EXOG: variants seen among roughly 807,000 people sequenced by gnomAD.
The protein encoded by EXOG is exo/endonuclease G.
In EXOG, 27 loss-of-function variants were observed where a neutral mutation model predicts 25.8. That is an observed-to-expected ratio of 1.05 (90% confidence interval 0.77 to 1.45). The LOEUF is 1.45. Ranked by LOEUF, EXOG falls within the 40% of genes most tolerant of loss-of-function variation. EXOG has a pLI of 0.00. For synonymous variants in EXOG, 133 were observed against 167.0 expected (o/e 0.80, Z 1.57); for missense variants, 458 against 450.5 (o/e 1.02, Z -0.15).
intron 5 of EXOG, among the ~76,000 whole-genome samples, chr3:38,520,883 C>T (rs1054221313): frequency 2.0e-5 from 3 of 152,174 alleles, no homozygotes; most frequent in African/African-American, 7.2e-5. Context: ...CCAGGTTTGA[C>T]CAGGTCTCTG....
chr3:38,496,856 T>G (rs1323467450), intron 1 of EXOG: 6 of 1,303,066 alleles, frequency 4.6e-6, no homozygotes, highest in Admixed American at 2.2e-5. Flanking sequence ...GTTAGCTCCA[T>G]AAGACTTGAG....
At position 38,498,006 on chromosome 3, in the gene EXOG, G is replaced by A. The variant is rs2059944313; in HGVS notation, c.313+228G>A. 4 of 473,344 alleles carry A rather than the reference G, an allele frequency of 8.5e-6. No individual in the cohort carries two copies. The South Asian group carries it at 1.1e-4, about 13-fold the overall frequency. The allele number at this position is 473,344 out of a possible 1,614,324, so 29.3% of individuals were successfully genotyped here. A position where few individuals can be genotyped will look rare whatever the true frequency, so the allele number is the denominator to read the frequency against. Reference sequence around the variant, plus strand: ...ATACCCATATCTTGACACACTAGTTGGGAGGCTCTGTCATAAATATTACAG... The same window carrying A: ...ATACCCATATCTTGACACACTAGTTAGGAGGCTCTGTCATAAATATTACAG... On this transcript the variant is annotated intron_variant, in intron 2 of 5. Coordinates refer to ENST00000287675, the MANE Select transcript of EXOG (RefSeq NM_005107.4).
intron 1 of EXOG, 184 bp from the exon 2 acceptor site, chr3:38,497,445 T>G: frequency 7.4e-7 from 1 of 1,358,724 alleles, no homozygotes. Flanking sequence ...CTACTGTCTG[T>G]TTTCTTCATC....
intron 5 of EXOG, among the ~76,000 whole-genome samples, chr3:38,509,092 A>G (rs2060292069): frequency 6.6e-6 from 1 of 152,220 alleles, no homozygotes; most frequent in African/African-American, 2.4e-5. Context: ...CTTAGGAGAA[A>G]AAAAGGCTTA....
chr3:38,517,555 T>G, intron 5 of EXOG, among the ~76,000 whole-genome samples: 1 of 152,252 alleles, frequency 6.6e-6, no homozygotes, highest in East Asian at 1.9e-4. Context: ...CTCTGCTGTT[T>G]GGTTTGTCAG....
Position 38,524,654 on chromosome 3 carries a change from CCTAAATTTATGA to C in EXOG, c.*298_*309del. 1 of 1,068,658 alleles carries C rather than the reference CCTAAATTTATGA, an allele frequency of 9.4e-7. No individual in the cohort carries two copies. Among genetic ancestry groups the C allele is most frequent in the Non-Finnish European group, 1.1e-6 (1 of 884,922 alleles). The allele number at this position is 1,068,658 out of a possible 1,614,324, so 66.2% of individuals were successfully genotyped here. On this transcript the variant is annotated 3_prime_UTR_variant, in exon 6 of 6. Coordinates refer to ENST00000287675, the MANE Select transcript of EXOG (RefSeq NM_005107.4). ...CTTTGCTTTAAAGAAACAGTGGAAT[CCTAAATTTATGA>C]CTAAAAATTCCCCCAAAAGATGAAA...
intron 3 of EXOG, among the ~76,000 whole-genome samples, chr3:38,503,068 C>T (rs565769420): frequency 1.2e-4 from 19 of 152,204 alleles, no homozygotes; most frequent in South Asian, 1.2e-3. Context: ...AGATTGAGAG[C>T]GACTGCTTGA....
intron 5 of EXOG, chr3:38,514,001 C>T (rs933756662): frequency 6.6e-6 from 1 of 152,292 alleles, no homozygotes; most frequent in Non-Finnish European, 1.5e-5. Flanking sequence ...AACAGTTTTT[C>T]GGCTAGAGCG....
intron 5 of EXOG, among the ~76,000 whole-genome samples, chr3:38,517,397 G>A (rs2060579166): frequency 6.6e-6 from 1 of 152,188 alleles, no homozygotes; most frequent in African/African-American, 2.4e-5. Context: ...TCATTTTTTA[G>A]CATTTCCTAC....
chr3:38,510,877 A>G (rs1028082043), intron 5 of EXOG, among the ~76,000 whole-genome samples: 14 of 152,092 alleles, frequency 9.2e-5, no homozygotes, highest in Non-Finnish European at 1.9e-4. Context: ...TGAAGAGTAT[A>G]CTTTGAGTAA....
At chr3:38,515,352 AC>A in intron 5 of EXOG, 1 of 153,140 alleles carries the variant, frequency 6.5e-6, no homozygotes, top group Middle Eastern at 3.1e-3. Context: ...ATGAGGAATT[AC>A]CCAAAGCTGG....
chr3:38,505,429 T>A (rs2060173938), intron 4 of EXOG: 1 of 151,968 alleles, frequency 6.6e-6, no homozygotes, highest in Non-Finnish European at 1.5e-5. Flanking sequence ...AAACTTTACC[T>A]TGTAATTGGA....
intron 3 of EXOG, 86 bp from the exon 4 acceptor site, chr3:38,503,525 TAAGA>T (rs1417411631): frequency 2.8e-5 from 20 of 720,910 alleles, no homozygotes. Flanking sequence ...AATGTTTAAA[TAAGA>T]AAGTGTTTTT....
At chr3:38,501,298 A>T in intron 2 of EXOG, 57 bp from the exon 3 acceptor site, 1 of 1,526,396 alleles carries the variant, frequency 6.6e-7, no homozygotes, top group Non-Finnish European at 9.1e-7. Context: ...TTGCTTAGAG[A>T]ATCTTGAGGG....
chr3:38,519,204 T>C (rs2060635741), intron 5 of EXOG: 1 of 152,202 alleles, frequency 6.6e-6, no homozygotes, highest in Admixed American at 6.5e-5. Context: ...TAGCAGTGAT[T>C]TTATCAGAAG....
chr3:38,518,596 C>T (rs186400182), intron 5 of EXOG, among the ~76,000 whole-genome samples: 1 of 152,300 alleles, frequency 6.6e-6, no homozygotes, highest in African/African-American at 2.4e-5. Flanking sequence ...TTGCTTACAA[C>T]TATACTCTGA....
In EXOG at chr3:38,525,117, T is replaced by C. The variant is rs1575685765; in HGVS notation, c.*755T>C. Reference sequence around the variant, plus strand: ...GTTTCTGCTCATTAAATGTGTTCTATATACTAGGCTCAGTGCTTTACATGT... The same window carrying C: ...GTTTCTGCTCATTAAATGTGTTCTACATACTAGGCTCAGTGCTTTACATGT... On this transcript the variant is annotated 3_prime_UTR_variant, in exon 6 of 6. Coordinates refer to ENST00000287675, the MANE Select transcript of EXOG (RefSeq NM_005107.4). 30 of 950,310 alleles carry C rather than the reference T, an allele frequency of 3.2e-5. No homozygotes were observed. Among genetic ancestry groups the C allele is most frequent in the Non-Finnish European group, 3.8e-5 (30 of 798,172 alleles). 58.9% of individuals were successfully genotyped at this position (950,310 alleles called of 1,614,324 possible).
Position 38,524,000 on chromosome 3 carries a change from T to C in EXOG, c.745T>C (p.Phe249Leu). The C allele has an allele frequency of 6.2e-7, 1 of 1,614,030 alleles. No individual in the cohort carries two copies. Among genetic ancestry groups the C allele is most frequent in the Non-Finnish European group, 8.5e-7 (1 of 1,179,908 alleles). ...VSTEPLALGA[F>L]VVPNEAIGFQ... ...TACCGAACCACTGGCGCTAGGGGCC[T>C]TTGTGGTACCCAATGAAGCCATCGG... is the stretch of plus-strand genomic sequence containing the variant. The change falls in exon 6 of 6, where the codon TTT becomes CTT. Residue 249 changes from phenylalanine to leucine, a missense_variant. By Grantham distance (22) the Phe-to-Leu change is conservative. Coordinates refer to ENST00000287675, the MANE Select transcript of EXOG (RefSeq NM_005107.4).
At chr3:38,500,989 A>C (rs1575611296) in intron 2 of EXOG, among the ~76,000 whole-genome samples, 1 of 152,232 alleles carries the variant, frequency 6.6e-6, no homozygotes, top group African/African-American at 2.4e-5. Flanking sequence ...AATACAATAC[A>C]TGGGAGTCTT....
Sources: allele counts gnomAD v4.1 joint callset (sites outside exome capture counted in the v4.1 genomes callset), GRCh38; gene constraint gnomAD v4.1.1; transcripts MANE v1.5; gene names NCBI Gene and HGNC (gene_info 2026-07-23, HGNC 2026-07-21).